TRPV1: variants seen among roughly 807,000 people sequenced by gnomAD.
TRPV1 encodes transient receptor potential cation channel subfamily V member 1.
Under a neutral mutation model 82.3 loss-of-function variants are expected in TRPV1, and 82 were observed. The observed-to-expected ratio is 1.00, with a 90% CI of 0.83 to 1.20. The LOEUF (loss-of-function observed/expected upper bound fraction) is 1.20, where lower values mean the gene tolerates loss of function less well. Among genes scored for constraint, TRPV1 ranks in the 50% most tolerant of loss-of-function variants. The pLI, the probability that TRPV1 is intolerant of heterozygous loss-of-function variation, is 0.00. For missense variants in TRPV1, 1,067 were observed against 1,096.8 expected, an observed-to-expected ratio of 0.97 and a Z score of 0.38; for synonymous variants, 515 against 467.7, an observed-to-expected ratio of 1.10 and a Z score of -1.30.
At chr17:3,570,029 C>A (rs376713906) in intron 16 of TRPV1, among the ~76,000 whole-genome samples, 2 of 112,240 alleles carry the variant, frequency 1.8e-5, no homozygotes, top group African/African-American at 7.9e-5. Context: ...AGGGGCCAAG[C>A]GGTCAGGAAG....
chr17:3,587,191 G>A (rs2075095822), intron 8 of TRPV1, among the ~76,000 whole-genome samples: 1 of 152,140 alleles, frequency 6.6e-6, no homozygotes, highest in South Asian at 2.1e-4. Context: ...TCTCCTCTGG[G>A]AACACTTGTA....
At chr17:3,593,501 T>A (rs553042018) in intron 2 of TRPV1, among the ~76,000 whole-genome samples, 6 of 152,052 alleles carry the variant, frequency 3.9e-5, no homozygotes, top group Middle Eastern at 3.4e-3. Context: ...CACCCAGGGG[T>A]GGCCCATACA....
At chr17:3,570,492 T>C (rs2074838517) in intron 16 of TRPV1, among the ~76,000 whole-genome samples, 1 of 152,174 alleles carries the variant, frequency 6.6e-6, no homozygotes, top group African/African-American at 2.4e-5. Flanking sequence ...TTTTAGGAGA[T>C]AGATATTTTA....
Position 3,565,756 on chromosome 17 carries a change from C to G in TRPV1, c.*1059G>C, listed in dbSNP as rs200137357. On this transcript the variant is annotated 3_prime_UTR_variant, in exon 17 of 17. Coordinates refer to ENST00000572705, the MANE Select transcript of TRPV1 (RefSeq NM_080704.4). ...GAAACACCAACACCCCCAAACCACC[C>G]GGGCAGGTAAGAGGAGCAAGCACGG... 1.3e-5 allele frequency: 2 copies of G among 152,300 alleles called. No homozygotes were observed. Among genetic ancestry groups the G allele is most frequent in the African/African-American group, 4.8e-5 (2 of 41,442 alleles). 9.4% of individuals were successfully genotyped at this position (152,300 alleles called of 1,614,324 possible).
intron 9 of TRPV1, chr17:3,585,459 C>A: frequency 3.4e-6 from 1 of 292,934 alleles, no homozygotes; most frequent in Non-Finnish European, 6.6e-6. Context: ...CCCCTGCATG[C>A]TTTCTAACCG....
chr17:3,577,837 AG>A, intron 11 of TRPV1, 74 bp from the exon 12 acceptor site: 1 of 1,452,044 alleles, frequency 6.9e-7, no homozygotes, highest in Non-Finnish European at 9.4e-7. Flanking sequence ...AAAAGGTCAC[AG>A]GCCGCTCAGA....
intron 10 of TRPV1, 146 bp from the exon 11 acceptor site, chr17:3,580,673 C>A: frequency 1.2e-6 from 1 of 833,782 alleles, no homozygotes; most frequent in Non-Finnish European, 2.0e-6. Flanking sequence ...CAGCAAGGGT[C>A]AGGCCAATGG....
chr17:3,582,766 T>G (rs1040777148), intron 10 of TRPV1, among the ~76,000 whole-genome samples: 18 of 152,044 alleles, frequency 1.2e-4, no homozygotes, highest in Non-Finnish European at 1.5e-5. Context: ...GAGACCAGCC[T>G]GGCCAACATG....
intron 5 of TRPV1, 49 bp downstream of exon 5, chr17:3,590,915 T>G (rs1394380383): frequency 6.6e-7 from 1 of 1,516,402 alleles, no homozygotes; most frequent in Non-Finnish European, 8.8e-7. Flanking sequence ...GCCCCCCTGC[T>G]TCCCGGTGCT....
At chr17:3,577,102 C>G (rs8078936) in intron 13 of TRPV1, 24 bp downstream of exon 13, 1 of 1,568,964 alleles carries the variant, frequency 6.4e-7, no homozygotes. Context: ...CCTGCCCTCC[C>G]CCAGCGCTGA....
intron 2 of TRPV1, among the ~76,000 whole-genome samples, chr17:3,600,782 G>T (rs550188217): frequency 6.6e-6 from 1 of 152,206 alleles, no homozygotes; most frequent in East Asian, 1.9e-4. Flanking sequence ...GGCCACTCCT[G>T]CCGGGACTCC....
intron 16 of TRPV1, among the ~76,000 whole-genome samples, chr17:3,567,343 T>C (rs1043755757): frequency 4.6e-4 from 54 of 118,182 alleles, no homozygotes; most frequent in Non-Finnish European, 1.6e-5. Context: ...CACTCCAGCC[T>C]GGGCGAAAAG....
At chr17:3,584,753 G>A (rs1243084944) in intron 9 of TRPV1, among the ~76,000 whole-genome samples, 1 of 151,340 alleles carries the variant, frequency 6.6e-6, no homozygotes, top group Non-Finnish European at 1.5e-5. Flanking sequence ...CAGAGATTGC[G>A]CCACTGCACT....
Position 3,591,010 on chromosome 17 carries a change from G to T in TRPV1, c.558C>A (p.Ser186Arg), listed in dbSNP as rs941182535. 6.2e-7 allele frequency: 1 copy of T among 1,610,898 alleles called. No individual in the cohort carries two copies. Among genetic ancestry groups the T allele is most frequent in the Non-Finnish European group, 8.5e-7 (1 of 1,178,872 alleles). The change falls in exon 5 of 17, where the codon AGC (serine) becomes AGA (arginine). Residue 186 changes from serine to arginine, a missense_variant. Ser to Arg is a moderately radical substitution (Grantham distance 110). Coordinates refer to ENST00000572705, the MANE Select transcript of TRPV1 (RefSeq NM_080704.4). ...AGCTGGCGTTGACAAGCTCCTTCAG[G>T]CTGTCCGTTTGCCGCGCGATCTCCA... ...LLLEIARQTD[S>R]LKELVNASYT...
rs189632790 is a variant in TRPV1, at chr17:3,573,972, G to A, written c.1781-17C>T. On this transcript the variant is annotated splice_polypyrimidine_tract_variant and intron_variant, in intron 13 of 16. Coordinates refer to ENST00000572705, the MANE Select transcript of TRPV1 (RefSeq NM_080704.4). ...TCACCACCGCTACAGGGCACAGGGA[G>A]GGCGGGGTGCCACTGGATAGAAGCC... 1,273 of 1,573,012 alleles carry A rather than the reference G, an allele frequency of 8.1e-4. 7 individuals are homozygous for A. The African/African-American group carries it at 0.016, about 19-fold the overall frequency.
chr17:3,573,436 C>T (rs1339494822), intron 14 of TRPV1, among the ~76,000 whole-genome samples, 197 bp downstream of exon 14: 2 of 152,182 alleles, frequency 1.3e-5, no homozygotes, highest in Admixed American at 6.5e-5. Flanking sequence ...CGGGCCTGGC[C>T]GGGCTTTCTG....
At chr17:3,568,719 C>T (rs1361749034) in intron 16 of TRPV1, among the ~76,000 whole-genome samples, 1 of 152,106 alleles carries the variant, frequency 6.6e-6, no homozygotes, top group Non-Finnish European at 1.5e-5. Context: ...ATAACACCAA[C>T]TTAGCAGCTA....
intron 16 of TRPV1, among the ~76,000 whole-genome samples, chr17:3,569,988 T>TCAGGGAGGAGGGGCCAAGCGGG (rs2074829640): frequency 1.3e-5 from 2 of 149,574 alleles, no homozygotes; most frequent in Non-Finnish European, 3.0e-5. Flanking sequence ...GGCCAAGCGG[T>TCAGGGAGGAGGGGCCAAGCGGG]CAGGGAGGAG....
At position 3,595,881 on chromosome 17, in the gene TRPV1, C is replaced by T. The variant is rs200822733; in HGVS notation, c.-33-3498G>A. Reference sequence around the variant, plus strand: ...GCTTCTTCCAGGGAACGGGGTGGGACAGGAACTGAGGGGTCATGTGCCCTG... The same window carrying T: ...GCTTCTTCCAGGGAACGGGGTGGGATAGGAACTGAGGGGTCATGTGCCCTG... On this transcript the variant is annotated intron_variant, in intron 2 of 16. Coordinates refer to ENST00000572705, the MANE Select transcript of TRPV1 (RefSeq NM_080704.4). 2.1e-3 allele frequency: 318 copies of T among 152,426 alleles called. 1 individual carries two copies. Among genetic ancestry groups the T allele is most frequent in the Middle Eastern group, 3.4e-3 (1 of 294 alleles). 9.4% of individuals were successfully genotyped at this position (152,426 alleles called of 1,614,324 possible).
Sources: gnomAD v4.1 joint callset for allele counts (sites outside exome capture counted in the v4.1 genomes callset) on GRCh38, gnomAD v4.1.1 for gene constraint, MANE v1.5 for transcripts, NCBI Gene and HGNC (gene_info 2026-07-23, HGNC 2026-07-21) for gene names.